Variants in SCN3A observed in about 807,000 individuals in gnomAD.
The protein encoded by SCN3A is sodium channel protein type 3 subunit alpha.
In SCN3A, 60 loss-of-function variants were observed where a neutral mutation model predicts 187.6. That is an observed-to-expected ratio of 0.32 (90% CI 0.26 to 0.40). The LOEUF (loss-of-function observed/expected upper bound fraction) is 0.40, where lower values mean the gene tolerates loss of function less well. Among genes scored for constraint, SCN3A ranks in the 10% least tolerant of loss-of-function variants. SCN3A has a pLI of 1.00. For synonymous variants in SCN3A, 788 were observed against 829.2 expected (o/e 0.95, Z 0.85); for missense variants, 1,601 against 2,428.2 (o/e 0.66, Z 7.16).
In SCN3A at chr2:165,090,569, C is replaced by A. The variant is rs41265137; in HGVS notation, c.5584G>T (p.Gly1862Cys). The change falls in exon 28 of 28, where the codon GGT becomes TGT. Residue 1862 changes from glycine (G) to cysteine (C), a missense_variant. Gly to Cys is a radical substitution (Grantham distance 159). Coordinates refer to ENST00000283254, the MANE Select transcript of SCN3A (RefSeq NM_006922.4). The surrounding 1 kb of genome is among the most constrained non-coding windows in gnomAD (Gnocchi z 4.0). ...ILFAFTKRVL[G>C]ESGEMDALRI... ...AGGGCATCCATCTCTCCACTCTCAC[C>A]CAAAACACGCTTTGTAAAGGCAAAT... is the stretch of plus-strand genomic sequence containing the variant. The A allele has an allele frequency of 0.015, 24,902 of 1,613,938 alleles. 381 individuals are homozygous for A. The highest frequency in any genetic ancestry group is 0.073 in the Admixed American group (4,402 of 59,948).
chr2:165,115,087 T>C (rs181607250), intron 19 of SCN3A, among the ~76,000 whole-genome samples: 1 of 152,296 alleles, frequency 6.6e-6, no homozygotes, highest in African/African-American at 2.4e-5. Flanking sequence ...AGGGTCTTGC[T>C]CTATTGCCCA....
Position 165,100,398 on chromosome 2 carries a change from A to G in SCN3A, c.3870T>C (p.Asn1290=). Reference sequence around the variant, plus strand: ...CACCGAGTTCTGAGTAGCCAAGAGCATTGGCTACCAGGCTAACCAAAGAAA... The same window carrying G: ...CACCGAGTTCTGAGTAGCCAAGAGCGTTGGCTACCAGGCTAACCAAAGAAA... ...VDVSLVSLVA[N]ALGYSELGAI... The change falls in exon 22 of 28, where the codon AAT becomes AAC. Residue 1290 remains asparagine, a synonymous_variant. Transcript: ENST00000283254. 6.2e-7 allele frequency: 1 copy of G among 1,613,716 alleles called. No homozygotes were observed. The highest frequency in any genetic ancestry group is 8.5e-7 in the Non-Finnish European group (1 of 1,179,678).
rs373440271 is a variant in SCN3A, at chr2:165,176,438, G to A, written c.-44C>T. 9.0e-5 allele frequency: 145 copies of A among 1,612,128 alleles called. No individual in the cohort carries two copies. The highest frequency in any genetic ancestry group is 1.6e-4 in the Middle Eastern group (1 of 6,076). On this transcript the variant is annotated 5_prime_UTR_variant, in exon 3 of 28. Coordinates refer to ENST00000283254, the MANE Select transcript of SCN3A (RefSeq NM_006922.4). Reference sequence around the variant, plus strand: ...TAATTACGTGTAGCTTCTTGCATACGAATTACCTGCAATAAAAGAAAAATT... The same window carrying A: ...TAATTACGTGTAGCTTCTTGCATACAAATTACCTGCAATAAAAGAAAAATT...
intron 11 of SCN3A, among the ~76,000 whole-genome samples, chr2:165,152,686 C>T (rs1688758170): frequency 6.6e-6 from 1 of 152,114 alleles, no homozygotes; most frequent in Non-Finnish European, 1.5e-5. Flanking sequence ...TACAGTCCCA[C>T]CAACAGTGTA....
chr2:165,103,464 T>A (rs1485886023), intron 21 of SCN3A, among the ~76,000 whole-genome samples: 1 of 152,222 alleles, frequency 6.6e-6, no homozygotes, highest in Admixed American at 6.5e-5. Context: ...CAAAAGGCAC[T>A]CTTGCCAATG....
intron 2 of SCN3A, among the ~76,000 whole-genome samples, 165 bp downstream of exon 2, chr2:165,186,386 T>A (rs1691242789): frequency 6.6e-6 from 1 of 152,150 alleles, no homozygotes; most frequent in Non-Finnish European, 1.5e-5. Context: ...CTGTGCTATG[T>A]CTCCCTGTAT....
At chr2:165,120,893 TC>T (rs1686640487) in intron 18 of SCN3A, among the ~76,000 whole-genome samples, 1 of 150,766 alleles carries the variant, frequency 6.6e-6, no homozygotes, top group African/African-American at 2.4e-5. Flanking sequence ...ATGTACAACA[TC>T]CCCGGAGCTT....
At chr2:165,102,870 T>G (rs534550985) in intron 21 of SCN3A, among the ~76,000 whole-genome samples, 1 of 152,210 alleles carries the variant, frequency 6.6e-6, no homozygotes, top group Non-Finnish European at 1.5e-5. Flanking sequence ...TGGGATCTGT[T>G]GCGTATTTGA....
chr2:165,130,378 A>G, intron 16 of SCN3A, 82 bp from the exon 17 acceptor site: 1 of 1,421,004 alleles, frequency 7.0e-7, no homozygotes, highest in Non-Finnish European at 9.9e-7. Context: ...GGTATCATAG[A>G]ACCACACGTG....
intron 2 of SCN3A, among the ~76,000 whole-genome samples, chr2:165,182,800 G>A (rs987800660): frequency 6.6e-5 from 10 of 151,866 alleles, no homozygotes; most frequent in Admixed American, 2.0e-4. Flanking sequence ...GTCTGGGCTC[G>A]GGTAAAGTTG....
At chr2:165,107,488 T>C (rs1177096087) in intron 21 of SCN3A, among the ~76,000 whole-genome samples, 3 of 152,230 alleles carry the variant, frequency 2.0e-5, no homozygotes, top group African/African-American at 7.2e-5. Flanking sequence ...TAATTTATAA[T>C]TATTTAGTTC....
At chr2:165,142,895 G>A (rs1399124773) in intron 12 of SCN3A, among the ~76,000 whole-genome samples, 1 of 151,988 alleles carries the variant, frequency 6.6e-6, no homozygotes, top group African/African-American at 2.4e-5. Flanking sequence ...GGGACTAGAG[G>A]TGCCCGCCAC....
chr2:165,145,280 T>C (rs1453743606), intron 12 of SCN3A, among the ~76,000 whole-genome samples: 2 of 151,816 alleles, frequency 1.3e-5, no homozygotes, highest in East Asian at 3.9e-4. Flanking sequence ...CCTAATAGTT[T>C]TAAGAATTCC....
At chr2:165,093,617 A>G (rs1685218257) in intron 26 of SCN3A, 1 of 152,242 alleles carries the variant, frequency 6.6e-6, no homozygotes, top group Non-Finnish European at 1.5e-5. Context: ...AAAGAACTCT[A>G]GTAAAGTCAG....
intron 2 of SCN3A, among the ~76,000 whole-genome samples, chr2:165,181,105 A>G (rs890510601): frequency 1.2e-4 from 18 of 152,232 alleles, no homozygotes; most frequent in African/African-American, 4.3e-4. Flanking sequence ...CATTTAGTCA[A>G]ATATCTTCAT....
chr2:165,189,404 T>TG (rs1471023909), intron 1 of SCN3A, among the ~76,000 whole-genome samples: 1 of 152,208 alleles, frequency 6.6e-6, no homozygotes, highest in African/African-American at 2.4e-5. Context: ...ATACATTTAT[T>TG]GGATCTGGAA....
At position 165,113,162 on chromosome 2, in the gene SCN3A, T is replaced by C. The variant is rs1298683877; in HGVS notation, c.3670-104A>G. 9 of 851,656 alleles carry C rather than the reference T, an allele frequency of 1.1e-5. No individual in the cohort carries two copies. In the African/African-American group the frequency reaches 1.4e-4, roughly 13 times the overall value. 52.8% of individuals were successfully genotyped at this position (851,656 alleles called of 1,614,324 possible). ...TGAGTACAAAACAATAATTTGATTA[T>C]TGATATTTTACATAAACATTGAACA... On this transcript the variant is annotated intron_variant, in intron 20 of 27. Transcript: ENST00000283254.
At chr2:165,128,426 CGAGAGAGAGA>C (rs35511955) in intron 17 of SCN3A, among the ~76,000 whole-genome samples, 1 of 141,206 alleles carries the variant, frequency 7.1e-6, no homozygotes, top group Non-Finnish European at 1.6e-5. Flanking sequence ...ATTCTGCCAA[CGAGAGAGAGA>C]GAGAGAGAGA....
At position 165,130,731 on chromosome 2, in the gene SCN3A, G is replaced by GA. The variant is rs947876736; in HGVS notation, c.2566-436dup. Among the ~76,000 whole-genome samples, 27 of 151,566 alleles carry GA rather than the reference G, an allele frequency of 1.8e-4. No homozygotes were observed. The South Asian group carries it at 5.4e-3, about 31-fold the overall frequency. On this transcript the variant is annotated intron_variant, in intron 16 of 27. Transcript: ENST00000283254. ...TAAATAATGTGATAAAAATGTACAG[G>GA]AAAAAAATTGAAAAAATACACATTT...
Sources: gnomAD v4.1 joint callset for allele counts (sites outside exome capture counted in the v4.1 genomes callset) on GRCh38, gnomAD v4.1.1 for gene constraint, Gnocchi (gnomAD v3.1) non-coding constraint, MANE v1.5 for transcripts, NCBI Gene and HGNC (gene_info 2026-07-23, HGNC 2026-07-21) for gene names.